The following PPP2R2D variants were observed in gnomAD, a reference collection of about 807,000 sequenced individuals.
PPP2R2D encodes serine/threonine-protein phosphatase 2A 55 kDa regulatory subunit B delta isoform.
Under a neutral mutation model 31.1 loss-of-function variants are expected in PPP2R2D, and 9 were observed. The ratio of observed to expected loss-of-function variants is 0.29; its 90% CI spans 0.17 to 0.51. The LOEUF (loss-of-function observed/expected upper bound fraction) is 0.51, where lower values mean the gene tolerates loss of function less well. Ranked by LOEUF, PPP2R2D falls within the 20% of genes least tolerant of loss-of-function variation. The probability of loss-of-function intolerance (pLI) is 0.98; values close to 1 mark genes in which losing one functional copy is unlikely to be tolerated. For synonymous variants in PPP2R2D, 179 were observed against 172.6 expected, an observed-to-expected ratio of 1.04 and a Z score of -0.29; for missense variants, 391 against 465.6, an observed-to-expected ratio of 0.84 and a Z score of 1.48.
At position 131,944,038 on chromosome 10, in the gene PPP2R2D, C is replaced by T. The variant is rs1554897559; in HGVS notation, c.548C>T (p.Thr183Ile). Residue 183 changes from threonine (T) to isoleucine (I), a missense_variant, in exon 6 of 9, where the codon ACA becomes ATA. Thr to Ile is a moderately conservative substitution (Grantham distance 89). Around this residue, in one of 3 missense-constraint regions of PPP2R2D, gnomAD observed 123 missense variants for 187.7 expected, o/e 0.66. Transcript: ENST00000455566. The stretch of plus-strand genomic sequence containing the variant: ...CGGCGAATTTTTGCAAATGCTCACA[C>T]ATATCATATAAATTCCATTTCAGTA... ...SPRRIFANAH[T>I]YHINSISVNS... The T allele has an allele frequency of 6.4e-7, 1 of 1,567,944 alleles. No homozygotes were observed. The highest frequency in any genetic ancestry group is 8.8e-7 in the Non-Finnish European group (1 of 1,137,952).
In PPP2R2D at chr10:131,958,852, A is replaced by G. The variant is rs572503457; in HGVS notation, c.*2889A>G. ...GATCCCCCATCCCCCTGTGGAGATG[A>G]AGGCGTGTGCTGATCCGCCATCCCA... is the stretch of plus-strand genomic sequence containing the variant. On this transcript the variant is annotated 3_prime_UTR_variant, in exon 9 of 9. Transcript: ENST00000455566. 56 of 178,598 alleles carry G rather than the reference A, an allele frequency of 3.1e-4. 1 individual carries two copies. The highest frequency in any genetic ancestry group is 5.0e-4 in the Non-Finnish European group (46 of 92,016). The allele number at this position is 178,598 out of a possible 1,614,324, so 11.1% of individuals were successfully genotyped here. A position where few individuals can be genotyped will look rare whatever the true frequency, so the allele number is the denominator to read the frequency against.
At chr10:131,932,390 T>A (rs1298802249) in intron 2 of PPP2R2D, among the ~76,000 whole-genome samples, 4 of 152,070 alleles carry the variant, frequency 2.6e-5, no homozygotes, top group Non-Finnish European at 5.9e-5. Flanking sequence ...TTAAAATACC[T>A]AACTCACTTT....
At chr10:131,929,861 C>T (rs980377253) in intron 2 of PPP2R2D, among the ~76,000 whole-genome samples, 1 of 152,176 alleles carries the variant, frequency 6.6e-6, no homozygotes, top group Non-Finnish European at 1.5e-5. Flanking sequence ...AACCTGGGAC[C>T]TCATTCCTCG....
chr10:131,902,189 A>C (rs939909564), intron 2 of PPP2R2D, among the ~76,000 whole-genome samples: 5 of 152,210 alleles, frequency 3.3e-5, no homozygotes, highest in Non-Finnish European at 7.3e-5. Context: ...TTAATATTTC[A>C]GATTCAGAGT....
intron 2 of PPP2R2D, among the ~76,000 whole-genome samples, chr10:131,915,546 G>A (rs974370713): frequency 2.0e-5 from 3 of 152,142 alleles, no homozygotes; most frequent in African/African-American, 7.2e-5. Context: ...CCCCAACTCC[G>A]TTGCCCGCAC....
downstream of PPP2R2D, among the ~76,000 whole-genome samples, chr10:131,964,488 G>A (rs374456881): frequency 1.8e-4 from 28 of 151,914 alleles, 1 homozygote; most frequent in South Asian, 4.0e-3. Context: ...GGCTCAAACC[G>A]CGACTCACTG....
Position 131,956,107 on chromosome 10 carries a change from C to T in PPP2R2D, c.*144C>T, listed in dbSNP as rs2036791419. 1.0e-5 allele frequency: 13 copies of T among 1,263,520 alleles called. No homozygotes were observed. The highest frequency in any genetic ancestry group is 3.1e-5 in the East Asian group (1 of 32,388). 78.3% of individuals were successfully genotyped at this position (1,263,520 alleles called of 1,614,324 possible). A position where few individuals can be genotyped will look rare whatever the true frequency, so the allele number is the denominator to read the frequency against. On this transcript the variant is annotated 3_prime_UTR_variant, in exon 9 of 9. Coordinates refer to ENST00000455566, the MANE Select transcript of PPP2R2D (RefSeq NM_018461.5). ...CACAGACACAGGAGAAAGCCGCCTC[C>T]GCTGGAGGCCCGGTGTGGTTCCGCC...
intron 3 of PPP2R2D, chr10:131,934,766 G>C (rs2036308300): frequency 5.1e-6 from 3 of 586,318 alleles, no homozygotes; most frequent in Non-Finnish European, 9.6e-6. Flanking sequence ...TTTGTCTTCA[G>C]AGTAGGGAGG....
intron 3 of PPP2R2D, among the ~76,000 whole-genome samples, chr10:131,937,661 A>G (rs2036367912): frequency 6.6e-6 from 1 of 152,332 alleles, no homozygotes; most frequent in African/African-American, 2.4e-5. Context: ...GAGAAAGGCC[A>G]GGGCAGTGCA....
At position 131,901,331 on chromosome 10, in the gene PPP2R2D, G is replaced by C. The variant is rs1233134907; in HGVS notation, c.100+1G>C. Reference sequence around the variant, plus strand: ...GCCATCGACGAGGACGTGGCCGAAGGTGAGCCCCGCGCCGCGCCCCGCCCC... The same window carrying C: ...GCCATCGACGAGGACGTGGCCGAAGCTGAGCCCCGCGCCGCGCCCCGCCCC... On this transcript the variant is annotated splice_donor_variant, in intron 2 of 8. Coordinates refer to ENST00000455566, the MANE Select transcript of PPP2R2D (RefSeq NM_018461.5). LOFTEE classifies it high-confidence loss of function. The C allele has an allele frequency of 2.8e-6, 1 of 357,820 alleles. No homozygotes were observed. The highest frequency in any genetic ancestry group is 5.0e-6 in the Non-Finnish European group (1 of 199,668). 22.2% of individuals were successfully genotyped at this position (357,820 alleles called of 1,614,324 possible). A position where few individuals can be genotyped will look rare whatever the true frequency, so the allele number is the denominator to read the frequency against.
At chr10:131,928,606 G>A (rs575725792) in intron 2 of PPP2R2D, among the ~76,000 whole-genome samples, 1 of 152,352 alleles carries the variant, frequency 6.6e-6, no homozygotes, top group African/African-American at 2.4e-5. Context: ...GGGCTCTGAG[G>A]CTTAGGAGAG....
intron 3 of PPP2R2D, chr10:131,939,800 G>A: frequency 3.4e-6 from 1 of 297,940 alleles, no homozygotes; most frequent in Non-Finnish European, 6.1e-6. Context: ...CAGCAAGGCT[G>A]CATTCGGCAG....
intron 6 of PPP2R2D, among the ~76,000 whole-genome samples, chr10:131,944,403 A>G (rs567529250): frequency 6.6e-6 from 1 of 152,214 alleles, no homozygotes; most frequent in African/African-American, 2.4e-5. Context: ...AATCAGAGGC[A>G]GTTTTAAATA....
chr10:131,942,226 A>G (rs1051463361), intron 5 of PPP2R2D, among the ~76,000 whole-genome samples: 1 of 152,188 alleles, frequency 6.6e-6, no homozygotes, highest in Non-Finnish European at 1.5e-5. Context: ...ACAACCCATC[A>G]GCTCACGTGC....
chr10:131,969,753 G>C, the PPP2R2D span: 1 of 152,146 alleles, frequency 6.6e-6, no homozygotes, highest in Non-Finnish European at 1.5e-5. Flanking sequence ...CCTCCTCCCC[G>C]CTGAGAGGCT....
At chr10:131,962,820 C>A (rs151337878), downstream of PPP2R2D, among the ~76,000 whole-genome samples, 1 of 152,180 alleles carries the variant, frequency 6.6e-6, no homozygotes, top group Non-Finnish European at 1.5e-5. Flanking sequence ...GCACTTCCGC[C>A]GATCAGAGGT....
intron 2 of PPP2R2D, among the ~76,000 whole-genome samples, chr10:131,922,785 A>T (rs1193564166): frequency 2.0e-5 from 3 of 152,214 alleles, no homozygotes; most frequent in African/African-American, 7.2e-5. Context: ...ATTGGAAAGT[A>T]GCCAAAAAGA....
At chr10:131,922,259 G>A (rs951196245) in intron 2 of PPP2R2D, among the ~76,000 whole-genome samples, 3 of 152,138 alleles carry the variant, frequency 2.0e-5, no homozygotes, top group South Asian at 2.1e-4. Flanking sequence ...TAAAGTGGCC[G>A]TATTTACAGT....
chr10:131,906,248 T>C (rs1373149698), intron 2 of PPP2R2D, among the ~76,000 whole-genome samples: 2 of 152,344 alleles, frequency 1.3e-5, no homozygotes, highest in African/African-American at 2.4e-5. Context: ...GAGGGTCTTA[T>C]ATTGAACCTG....
Sources: gnomAD v4.1 joint callset for allele counts (sites outside exome capture counted in the v4.1 genomes callset) on GRCh38, gnomAD v4.1.1 for gene constraint, gnomAD v4.1.1 regional missense constraint, MANE v1.5 for transcripts, NCBI Gene and HGNC (gene_info 2026-07-23, HGNC 2026-07-21) for gene names.